CNOT4: variants seen among roughly 807,000 people sequenced by gnomAD.
CNOT4 encodes the protein CCR4-associated factor 4.
A neutral mutation model predicts 73.8 loss-of-function variants in CNOT4; 8 were observed. The ratio of observed to expected loss-of-function variants is 0.11; its 90% CI spans 0.06 to 0.20. CNOT4 has a LOEUF of 0.20. Ranked by LOEUF, CNOT4 falls within the 10% of genes least tolerant of loss-of-function variation. CNOT4 has a pLI of 1.00. For missense variants in CNOT4, 564 were observed against 883.4 expected (o/e 0.64, Z 4.58); for synonymous variants, 293 against 321.1 (o/e 0.91, Z 0.94).
At chr7:135,464,330 C>T (rs1801088461) in intron 1 of CNOT4, among the ~76,000 whole-genome samples, 1 of 152,148 alleles carries the variant, frequency 6.6e-6, no homozygotes, top group South Asian at 2.1e-4. Context: ...GGTACATATA[C>T]ACCATGGAAT....
At chr7:135,506,802 C>T (rs189670141) in intron 1 of CNOT4, among the ~76,000 whole-genome samples, 6 of 150,830 alleles carry the variant, frequency 4.0e-5, no homozygotes, top group East Asian at 2.0e-4. Context: ...GAGCCAAGAT[C>T]GCACCACTGC....
At chr7:135,365,067 G>A (rs936637939) in intron 10 of CNOT4, among the ~76,000 whole-genome samples, 2 of 152,156 alleles carry the variant, frequency 1.3e-5, no homozygotes, top group African/African-American at 2.4e-5. Flanking sequence ...GGCAATCAAC[G>A]CTGAGAAGGA....
chr7:135,413,462 G>A (rs777428453), intron 6 of CNOT4, 26 bp downstream of exon 6: 1 of 1,603,288 alleles, frequency 6.2e-7, no homozygotes, highest in East Asian at 2.2e-5. Flanking sequence ...TTTCTGCAAA[G>A]TTGATAATTC....
chr7:135,494,032 G>A (rs1803286767), intron 1 of CNOT4, among the ~76,000 whole-genome samples: 3 of 150,486 alleles, frequency 2.0e-5, no homozygotes, highest in Non-Finnish European at 4.4e-5. Flanking sequence ...TTAAACAAAT[G>A]GGTTTCCCAA....
At chr7:135,486,571 T>TAAA (rs762605146) in intron 1 of CNOT4, among the ~76,000 whole-genome samples, 1 of 152,174 alleles carries the variant, frequency 6.6e-6, no homozygotes, top group Non-Finnish European at 1.5e-5. Flanking sequence ...CTGAGAGAAA[T>TAAA]AAAAACTTAT....
chr7:135,506,282 T>C (rs1037123985), intron 1 of CNOT4, among the ~76,000 whole-genome samples: 6 of 152,258 alleles, frequency 3.9e-5, no homozygotes, highest in African/African-American at 1.4e-4. Context: ...GAGAAAATTA[T>C]GTAGTACATT....
intron 1 of CNOT4, among the ~76,000 whole-genome samples, chr7:135,469,995 G>GT (rs2129486663): frequency 6.6e-6 from 1 of 152,128 alleles, no homozygotes; most frequent in African/African-American, 2.4e-5. Flanking sequence ...CTAATTTTTT[G>GT]TATTTTTAGT....
At chr7:135,471,700 C>A (rs574407231) in intron 1 of CNOT4, among the ~76,000 whole-genome samples, 1 of 152,192 alleles carries the variant, frequency 6.6e-6, no homozygotes, top group Non-Finnish European at 1.5e-5. Context: ...TACACTCTTC[C>A]GTTCTCTGAA....
intron 1 of CNOT4, among the ~76,000 whole-genome samples, chr7:135,466,081 T>C (rs1458072002): frequency 6.7e-6 from 1 of 149,604 alleles, no homozygotes; most frequent in Non-Finnish European, 1.5e-5. Flanking sequence ...AAAATTAAAA[T>C]AGACATAGCT....
chr7:135,398,147 T>C (rs754021586), intron 8 of CNOT4, 22 bp downstream of exon 8: 13 of 1,337,548 alleles, frequency 9.7e-6, no homozygotes, highest in Non-Finnish European at 1.4e-5. Context: ...ATAAATCAAG[T>C]GATACTGTAT....
intron 1 of CNOT4, among the ~76,000 whole-genome samples, chr7:135,505,546 C>T (rs943593230): frequency 2.6e-5 from 4 of 151,932 alleles, no homozygotes; most frequent in Non-Finnish European, 4.4e-5. Context: ...AGCGAGACTC[C>T]GTCTTGGGGA....
intron 10 of CNOT4, chr7:135,388,643 T>C: frequency 7.8e-7 from 1 of 1,285,100 alleles, no homozygotes; most frequent in African/African-American, 1.5e-5. Flanking sequence ...TCAACAACTA[T>C]GAGGTAACAC....
chr7:135,473,766 G>A (rs1410767323), intron 1 of CNOT4, among the ~76,000 whole-genome samples: 1 of 152,002 alleles, frequency 6.6e-6, no homozygotes, highest in Non-Finnish European at 1.5e-5. Context: ...AGAAAGCGAG[G>A]GAGAGTGAGA....
intron 1 of CNOT4, among the ~76,000 whole-genome samples, chr7:135,505,404 T>C (rs144573524): frequency 0.024 from 3,621 of 151,956 alleles, 142 homozygotes; most frequent in African/African-American, 0.083. Context: ...ATACAAAAAT[T>C]AGCTGAGTGT....
At chr7:135,394,519 A>T (rs1337283005) in intron 9 of CNOT4, 104 bp from the exon 10 acceptor site, 3 of 953,364 alleles carry the variant, frequency 3.1e-6, no homozygotes, top group Non-Finnish European at 4.8e-6. Context: ...TTACAAATTA[A>T]GTAAGTGCAA....
At chr7:135,365,602 C>CA (rs1347262265) in intron 10 of CNOT4, among the ~76,000 whole-genome samples, 1 of 151,154 alleles carries the variant, frequency 6.6e-6, no homozygotes. Context: ...GAACCCTGTC[C>CA]AAAAAAAAGC....
At chr7:135,413,707 A>T in intron 5 of CNOT4, 94 bp from the exon 6 acceptor site, 1 of 1,233,706 alleles carries the variant, frequency 8.1e-7, no homozygotes, top group Non-Finnish European at 1.1e-6. Context: ...AGTCACCTAA[A>T]ATGAGGCACA....
intron 1 of CNOT4, among the ~76,000 whole-genome samples, chr7:135,498,782 C>T (rs1430094541): frequency 1.3e-5 from 2 of 152,082 alleles, no homozygotes; most frequent in African/African-American, 2.4e-5. Flanking sequence ...CTCCTGACTT[C>T]GTGATCCACC....
intron 1 of CNOT4, among the ~76,000 whole-genome samples, chr7:135,481,930 A>AG: frequency 6.6e-6 from 1 of 151,606 alleles, no homozygotes; most frequent in South Asian, 2.1e-4. Flanking sequence ...GAGGCTGCAG[A>AG]GGGTGGGTGG....
Sources: gnomAD v4.1 joint callset for allele counts (sites outside exome capture counted in the v4.1 genomes callset) on GRCh38, gnomAD v4.1.1 for gene constraint, MANE v1.5 for transcripts, NCBI Gene and HGNC (gene_info 2026-07-23, HGNC 2026-07-21) for gene names.